The following RARB variants were observed in gnomAD, a reference collection of about 807,000 sequenced individuals.
RARB encodes the protein retinoic acid receptor beta, also known as HBV-activated protein.
Under a neutral mutation model 51.9 loss-of-function variants are expected in RARB, and 17 were observed. That is an observed-to-expected ratio of 0.33 (90% confidence interval 0.22 to 0.49). RARB has a LOEUF of 0.49. Among genes scored for constraint, RARB ranks in the 20% least tolerant of loss-of-function variants. The pLI is 0.99. For synonymous variants in RARB, 215 were observed against 195.4 expected, an observed-to-expected ratio of 1.10 and a Z score of -0.84; for missense variants, 369 against 550.8, an observed-to-expected ratio of 0.67 and a Z score of 3.30.
chr3:25,265,315 C>T (rs1343994658), intron 5 of RARB, among the ~76,000 whole-genome samples: 3 of 152,086 alleles, frequency 2.0e-5, no homozygotes, highest in Non-Finnish European at 4.4e-5. Context: ...TTTTTCGGTA[C>T]AAGAATATTT....
intron 5 of RARB, among the ~76,000 whole-genome samples, chr3:25,276,889 A>C (rs1703395369): frequency 6.6e-6 from 1 of 152,210 alleles, no homozygotes; most frequent in South Asian, 2.1e-4. Flanking sequence ...TCTGTATAAC[A>C]GCTCATAAAA....
At chr3:25,446,648 A>G (rs1189633156) in intron 1 of RARB, among the ~76,000 whole-genome samples, 2 of 151,770 alleles carry the variant, frequency 1.3e-5, no homozygotes, top group Non-Finnish European at 1.5e-5. Context: ...CTAAAAATAC[A>G]AAAAATTAGC....
intron 2 of RARB, among the ~76,000 whole-genome samples, chr3:24,915,616 C>A (rs1695090850): frequency 6.6e-6 from 1 of 152,124 alleles, no homozygotes. Flanking sequence ...GTTTTTAAGC[C>A]TCTCAGAAAG....
chr3:25,095,557 A>G (rs74393743), intron 3 of RARB, among the ~76,000 whole-genome samples: 1 of 152,288 alleles, frequency 6.6e-6, no homozygotes, highest in African/African-American at 2.4e-5. Context: ...GCTGTCTGCT[A>G]TTTATATTGA....
At chr3:25,062,770 T>C (rs896391317) in intron 3 of RARB, among the ~76,000 whole-genome samples, 2 of 151,666 alleles carry the variant, frequency 1.3e-5, no homozygotes, top group African/African-American at 4.8e-5. Flanking sequence ...CCAGTAGAGG[T>C]GAGATGGGGA....
At chr3:25,495,181 T>C (rs1696961466) in intron 2 of RARB, among the ~76,000 whole-genome samples, 1 of 151,862 alleles carries the variant, frequency 6.6e-6, no homozygotes, top group Non-Finnish European at 1.5e-5. Flanking sequence ...CATCTGAAAA[T>C]TAGAAGGTGA....
intron 2 of RARB, among the ~76,000 whole-genome samples, chr3:24,961,919 CTTTTTTTTTTTTTT>C (rs35078496): frequency 2.8e-5 from 2 of 70,674 alleles, no homozygotes; most frequent in Non-Finnish European, 2.5e-5. Context: ...CTTTGGGTGT[CTTTTTTTTTTTTTT>C]TTTTTTTTTT....
chr3:25,155,093 T>C (rs1179607523), intron 4 of RARB, among the ~76,000 whole-genome samples: 4 of 152,244 alleles, frequency 2.6e-5, no homozygotes, highest in Admixed American at 2.6e-4. Flanking sequence ...TTAGATTTTA[T>C]CACTATTCTC....
chr3:24,965,354 T>A (rs1310214239), intron 2 of RARB, among the ~76,000 whole-genome samples: 1 of 152,120 alleles, frequency 6.6e-6, no homozygotes, highest in African/African-American at 2.4e-5. Flanking sequence ...AGAAATACAT[T>A]AATTGAGGTC....
At chr3:25,083,159 C>T (rs1699042001) in intron 3 of RARB, among the ~76,000 whole-genome samples, 1 of 150,236 alleles carries the variant, frequency 6.7e-6, no homozygotes, top group African/African-American at 2.5e-5. Context: ...GATTGGGATT[C>T]ATTCAGATCC....
At chr3:25,188,999 T>A (rs187866985) in intron 5 of RARB, among the ~76,000 whole-genome samples, 2 of 152,208 alleles carry the variant, frequency 1.3e-5, no homozygotes, top group East Asian at 3.9e-4. Flanking sequence ...AAACTAAAAG[T>A]CTAACCCAAG....
At chr3:25,589,534 G>A (rs769911914) in intron 5 of RARB, among the ~76,000 whole-genome samples, 6 of 152,206 alleles carry the variant, frequency 3.9e-5, no homozygotes, top group African/African-American at 9.7e-5. Flanking sequence ...GGCCCTCACC[G>A]TAAGAGAGGT....
intron 4 of RARB, among the ~76,000 whole-genome samples, chr3:25,163,472 ACCAG>A (rs1700506276): frequency 6.7e-6 from 1 of 148,806 alleles, no homozygotes; most frequent in Admixed American, 6.7e-5. Context: ...GCCACTGCAC[ACCAG>A]CCTGAGCAGA....
chr3:25,014,976 A>G (rs1052897613), intron 2 of RARB, among the ~76,000 whole-genome samples: 8 of 152,058 alleles, frequency 5.3e-5, no homozygotes, highest in African/African-American at 1.7e-4. Context: ...ATCTTTTTGT[A>G]TTTCTTTAAC....
chr3:25,203,359 C>T (rs1701446211), intron 5 of RARB, among the ~76,000 whole-genome samples: 1 of 152,154 alleles, frequency 6.6e-6, no homozygotes, highest in South Asian at 2.1e-4. Context: ...GAATACAGGA[C>T]ACTGACAGGT....
intron 3 of RARB, among the ~76,000 whole-genome samples, chr3:25,108,422 G>A (rs1294681040): frequency 6.6e-6 from 1 of 152,128 alleles, no homozygotes; most frequent in Admixed American, 6.5e-5. Context: ...TCCATCTTGG[G>A]TTTCCTCTAT....
chr3:25,264,351 G>C (rs1703076525), intron 5 of RARB, among the ~76,000 whole-genome samples: 1 of 150,968 alleles, frequency 6.6e-6, no homozygotes, highest in South Asian at 2.2e-4. Flanking sequence ...AGACATGATG[G>C]GCAAGATCTA....
At chr3:25,120,533 C>CTCTCTCTG (rs1357702069) in intron 3 of RARB, among the ~76,000 whole-genome samples, 2 of 149,828 alleles carry the variant, frequency 1.3e-5, no homozygotes, top group Non-Finnish European at 3.0e-5. Flanking sequence ...AAAAATCTCT[C>CTCTCTCTG]TCTCTCTCTC....
At chr3:25,355,357 T>A (rs1453217503) in intron 5 of RARB, among the ~76,000 whole-genome samples, 1 of 152,098 alleles carries the variant, frequency 6.6e-6, no homozygotes, top group African/African-American at 2.4e-5. Flanking sequence ...AGGGTTTTCC[T>A]TGGCTGATCT....
Sources: gnomAD v4.1 joint callset for allele counts (sites outside exome capture counted in the v4.1 genomes callset) on GRCh38, gnomAD v4.1.1 for gene constraint, MANE v1.5 for transcripts, NCBI Gene and HGNC (gene_info 2026-07-23, HGNC 2026-07-21) for gene names.